Variants in ROBO1 observed in about 807,000 individuals in gnomAD.
ROBO1 encodes roundabout guidance receptor 1.
A neutral mutation model predicts 195.9 loss-of-function variants in ROBO1; 149 were observed. The observed-to-expected ratio is 0.76, with a 90% CI of 0.67 to 0.87. The LOEUF (loss-of-function observed/expected upper bound fraction) is 0.87. Among genes scored for constraint, ROBO1 ranks in the 40% least tolerant of loss-of-function variants. The pLI is 0.00. For synonymous variants in ROBO1, 816 were observed against 733.2 expected, an observed-to-expected ratio of 1.11 and a Z score of -1.82; for missense variants, 1,933 against 2,068.3, an observed-to-expected ratio of 0.93 and a Z score of 1.27.
At chr3:79,462,020 T>C (rs1365372067) in intron 2 of ROBO1, among the ~76,000 whole-genome samples, 2 of 152,304 alleles carry the variant, frequency 1.3e-5, no homozygotes, top group Non-Finnish European at 2.9e-5. Context: ...AAAAATAAGG[T>C]TATAATTAAA....
At chr3:79,275,884 C>T (rs1265157065) in intron 2 of ROBO1, among the ~76,000 whole-genome samples, 1 of 140,834 alleles carries the variant, frequency 7.1e-6, no homozygotes, top group Non-Finnish European at 1.6e-5. Context: ...TTTACAACAG[C>T]TACAAAAAAA....
rs771176270 is a variant in ROBO1, at chr3:78,636,057, A to G, written c.3089T>C (p.Leu1030Pro). The G allele has an allele frequency of 5.3e-5, 85 of 1,613,526 alleles. 2 individuals carry two copies. In the South Asian group the frequency reaches 9.0e-4, roughly 17 times the overall value. The change falls in exon 23 of 31, where the codon CTG becomes CCG. Residue 1030 changes from leucine to proline, a missense_variant. Around this residue, in one of 3 missense-constraint regions of ROBO1, gnomAD observed 1,737 missense variants for 1,882.5 expected, o/e 0.92. Coordinates refer to ENST00000464233, the MANE Select transcript of ROBO1 (RefSeq NM_002941.4). ...ATAAACAGTTGACTCAGGGAGCATC[A>G]GATTTGTTTGTTTGTTATCCAGTTG... ...NNQLDNKQTN[L>P]MLPESTVYGD...
chr3:78,866,988 A>G (rs1489478442), intron 4 of ROBO1, among the ~76,000 whole-genome samples: 2 of 152,204 alleles, frequency 1.3e-5, no homozygotes, highest in Non-Finnish European at 2.9e-5. Context: ...ATGCGATTAC[A>G]AGAAGACAAA....
intron 4 of ROBO1, among the ~76,000 whole-genome samples, chr3:78,804,557 C>A (rs774430505): frequency 6.6e-5 from 10 of 151,942 alleles, no homozygotes; most frequent in Non-Finnish European, 1.5e-4. Flanking sequence ...AAACTCACTG[C>A]ACCTCTCAAT....
chr3:78,940,548 G>A (rs147850833), intron 3 of ROBO1, among the ~76,000 whole-genome samples: 118 of 152,254 alleles, frequency 7.8e-4, no homozygotes, highest in African/African-American at 2.5e-3. Context: ...AGTACCTTGC[G>A]CATCCTCCTG....
chr3:78,891,262 C>A (rs759632089), intron 4 of ROBO1, among the ~76,000 whole-genome samples: 1 of 151,946 alleles, frequency 6.6e-6, no homozygotes, highest in African/African-American at 2.4e-5. Context: ...AAACAATAGG[C>A]AAAAGAAATG....
rs573004123 is a variant in ROBO1, at chr3:79,513,617, T to C, written c.88+76207A>G. Among the ~76,000 whole-genome samples, 3 of 152,264 alleles carry C rather than the reference T, an allele frequency of 2.0e-5. No homozygotes were observed. The East Asian group carries it at 5.8e-4, about 29-fold the overall frequency. On this transcript the variant is annotated intron_variant, in intron 2 of 30. Transcript: ENST00000464233. ...TCTTTTATAGAGCGATTAAGTCACT[T>C]TTTGACCTACATAAGCCAAGGAGAA...
At chr3:78,897,387 G>A (rs1219873884) in intron 4 of ROBO1, among the ~76,000 whole-genome samples, 5 of 152,286 alleles carry the variant, frequency 3.3e-5, no homozygotes, top group African/African-American at 1.2e-4. Flanking sequence ...TTCCAGGCAG[G>A]TAGCATGTTT....
At chr3:79,143,333 G>T (rs1315719564) in intron 2 of ROBO1, among the ~76,000 whole-genome samples, 1 of 151,852 alleles carries the variant, frequency 6.6e-6, no homozygotes, top group Non-Finnish European at 1.5e-5. Flanking sequence ...GTAGCTTCTA[G>T]GTAAAAAATT....
chr3:79,634,365 T>C (rs1247607672), intron 1 of ROBO1, among the ~76,000 whole-genome samples: 1 of 152,118 alleles, frequency 6.6e-6, no homozygotes, highest in African/African-American at 2.4e-5. Context: ...GAGGGGGAGA[T>C]GAGACATCCA....
intron 3 of ROBO1, among the ~76,000 whole-genome samples, chr3:78,959,387 T>C (rs2041223308): frequency 6.6e-6 from 1 of 152,090 alleles, no homozygotes; most frequent in Admixed American, 6.6e-5. Flanking sequence ...ATAAATCCAA[T>C]GCAAAGAGGA....
At chr3:78,812,110 C>T (rs2084761237) in intron 4 of ROBO1, among the ~76,000 whole-genome samples, 1 of 152,072 alleles carries the variant, frequency 6.6e-6, no homozygotes, top group African/African-American at 2.4e-5. Context: ...ATGTGGAGGC[C>T]ATGCATCTAA....
At chr3:79,072,678 G>A (rs1324459985) in intron 3 of ROBO1, among the ~76,000 whole-genome samples, 2 of 151,888 alleles carry the variant, frequency 1.3e-5, no homozygotes, top group Non-Finnish European at 2.9e-5. Context: ...TTAAGCCACA[G>A]GATAAAATTT....
chr3:79,190,614 T>A (rs186989393), intron 2 of ROBO1, among the ~76,000 whole-genome samples: 1 of 151,762 alleles, frequency 6.6e-6, no homozygotes, highest in Admixed American at 6.6e-5. Context: ...TTTCCATTTC[T>A]GTTTTGCATT....
intron 4 of ROBO1, among the ~76,000 whole-genome samples, chr3:78,836,727 G>C (rs2032770266): frequency 6.6e-6 from 1 of 152,088 alleles, no homozygotes; most frequent in East Asian, 1.9e-4. Flanking sequence ...AAACATCATA[G>C]TCTTCTAAAA....
chr3:79,463,412 A>C (rs1327971532), intron 2 of ROBO1, among the ~76,000 whole-genome samples: 4 of 151,806 alleles, frequency 2.6e-5, no homozygotes, highest in South Asian at 4.2e-4. Context: ...AAAACAAAAA[A>C]CCACAAACCT....
At chr3:78,675,521 CA>C (rs1469984373) in intron 10 of ROBO1, among the ~76,000 whole-genome samples, 6 of 152,180 alleles carry the variant, frequency 3.9e-5, no homozygotes, top group Non-Finnish European at 7.3e-5. Flanking sequence ...TTATATCCCG[CA>C]CTTGGCTCGG....
chr3:79,366,668 T>C (rs1252774807), intron 2 of ROBO1, among the ~76,000 whole-genome samples: 3 of 152,178 alleles, frequency 2.0e-5, no homozygotes, highest in Non-Finnish European at 4.4e-5. Flanking sequence ...CGGCCACCAA[T>C]AAATATTTGT....
intron 2 of ROBO1, among the ~76,000 whole-genome samples, chr3:79,388,902 G>A (rs2036848695): frequency 6.6e-6 from 1 of 151,868 alleles, no homozygotes; most frequent in Non-Finnish European, 1.5e-5. Flanking sequence ...TAGAACCAAA[G>A]GCCAGATAAA....
Sources: allele counts gnomAD v4.1 joint callset (sites outside exome capture counted in the v4.1 genomes callset), GRCh38; gene constraint gnomAD v4.1.1; regional missense constraint gnomAD v4.1.1; transcripts MANE v1.5; gene names NCBI Gene and HGNC (gene_info 2026-07-23, HGNC 2026-07-21).